The following BPIFC variants were observed in gnomAD, a reference collection of about 807,000 sequenced individuals.
BPIFC encodes BPI fold containing family C.
A neutral mutation model predicts 57.6 loss-of-function variants in BPIFC; 60 were observed. The ratio of observed to expected loss-of-function variants is 1.04; its 90% CI spans 0.85 to 1.29. BPIFC has a LOEUF of 1.29. Among genes scored for constraint, BPIFC ranks in the 50% most tolerant of loss-of-function variants. The probability of loss-of-function intolerance (pLI) is 0.00; values close to 1 mark genes in which losing one functional copy is unlikely to be tolerated. For synonymous variants in BPIFC, 243 were observed against 224.5 expected, an observed-to-expected ratio of 1.08 and a Z score of -0.74; for missense variants, 581 against 600.5, an observed-to-expected ratio of 0.97 and a Z score of 0.34.
chr22:32,415,886 C>A, intron 16 of BPIFC, 29 bp downstream of exon 16: 1 of 1,459,462 alleles, frequency 6.9e-7, no homozygotes, highest in South Asian at 1.3e-5. Flanking sequence ...AGAAATGGGT[C>A]AGTTAAGAGG....
At chr22:32,433,554 C>A (rs770214227) in intron 11 of BPIFC, among the ~76,000 whole-genome samples, 165 bp downstream of exon 11, 3 of 152,134 alleles carry the variant, frequency 2.0e-5, no homozygotes, top group Non-Finnish European at 4.4e-5. Context: ...GCACTTTAAA[C>A]TGTACTGTTC....
intron 13 of BPIFC, among the ~76,000 whole-genome samples, chr22:32,420,016 C>T (rs1039061596): frequency 2.0e-5 from 3 of 151,654 alleles, no homozygotes; most frequent in African/African-American, 7.3e-5. Context: ...GAATGTAGAA[C>T]AATCTTAAGA....
intron 13 of BPIFC, 59 bp downstream of exon 13, chr22:32,431,288 C>G (rs1362494386): frequency 7.1e-7 from 1 of 1,410,148 alleles, no homozygotes; most frequent in Admixed American, 1.7e-5. Flanking sequence ...CACTTTGTCT[C>G]TGATCAGTTG....
chr22:32,426,203 T>C (rs977059652), intron 13 of BPIFC, among the ~76,000 whole-genome samples: 8 of 152,202 alleles, frequency 5.3e-5, no homozygotes, highest in Non-Finnish European at 1.2e-4. Flanking sequence ...GGAGCCCCCG[T>C]GTTCCCTGGT....
intron 7 of BPIFC, among the ~76,000 whole-genome samples, chr22:32,443,195 G>A (rs368009694): frequency 1.4e-5 from 2 of 143,010 alleles, no homozygotes; most frequent in South Asian, 2.2e-4. Context: ...ACGAAGTCTC[G>A]CTCTGTCACC....
intron 4 of BPIFC, among the ~76,000 whole-genome samples, chr22:32,450,452 C>G (rs1409985555): frequency 6.6e-6 from 1 of 151,914 alleles, no homozygotes; most frequent in Non-Finnish European, 1.5e-5. Flanking sequence ...CAATGCATGA[C>G]AGTAATTTAA....
At chr22:32,439,342 T>C (rs1470767201) in intron 8 of BPIFC, among the ~76,000 whole-genome samples, 4 of 151,268 alleles carry the variant, frequency 2.6e-5, no homozygotes, top group Non-Finnish European at 5.9e-5. Flanking sequence ...AAAAAATAAA[T>C]GAAAGCACAG....
chr22:32,453,737 G>A (rs576519929), intron 3 of BPIFC, among the ~76,000 whole-genome samples: 20 of 152,244 alleles, frequency 1.3e-4, no homozygotes, highest in Admixed American at 5.9e-4. Flanking sequence ...TTTTCATTAC[G>A]TCAGGAGGAC....
At position 32,431,546 on chromosome 22, in the gene BPIFC, A is replaced by G. The variant is rs1934243658; in HGVS notation, c.1150-132T>C. The G allele has an allele frequency of 4.8e-6, 3 of 630,546 alleles. 1 individual carries two copies. Among genetic ancestry groups the G allele is most frequent in the Non-Finnish European group, 8.2e-6 (3 of 366,206 alleles). 39.1% of individuals were successfully genotyped at this position (630,546 alleles called of 1,614,324 possible). A position where few individuals can be genotyped will look rare whatever the true frequency, so the allele number is the denominator to read the frequency against. On this transcript the variant is annotated intron_variant, in intron 12 of 16. Transcript: ENST00000300399. ...TGTAAAGACATTGGAAGTCTAAAAGACATTGGAAATACAGACCTCTGAAAA... is the reference window on the plus strand; with the variant it reads ...TGTAAAGACATTGGAAGTCTAAAAGGCATTGGAAATACAGACCTCTGAAAA...
intron 10 of BPIFC, 80 bp downstream of exon 10, chr22:32,435,624 G>T: frequency 7.0e-7 from 1 of 1,433,638 alleles, no homozygotes; most frequent in Non-Finnish European, 9.4e-7. Flanking sequence ...CGAAATTGTG[G>T]CATAAAAGTT....
Position 32,445,906 on chromosome 22 carries a change from G to C in BPIFC, c.465C>G (p.Thr155=). The part of the protein sequence containing the change: ...ILTRNDFGHP[T]LKLQDCYAQL... ...GGGCGTAGCAATCTTGGAGCTTCAG[G>C]GTAGGATGACCAAAGTCATTTCGGG... Residue 155 remains threonine, a synonymous_variant, in exon 6 of 17, where the codon ACC becomes ACG. Coordinates refer to ENST00000300399, the MANE Select transcript of BPIFC (RefSeq NM_174932.3). 6.2e-7 allele frequency: 1 copy of C among 1,614,030 alleles called. No homozygotes were observed. The highest frequency in any genetic ancestry group is 1.3e-5 in the African/African-American group (1 of 74,980).
intron 5 of BPIFC, chr22:32,446,862 G>T (rs772013388): frequency 2.1e-6 from 2 of 935,194 alleles, no homozygotes; most frequent in Non-Finnish European, 2.6e-6. Flanking sequence ...TACTCCTGCA[G>T]ATGGGGAAGT....
At chr22:32,432,835 G>A (rs1044050380) in intron 11 of BPIFC, among the ~76,000 whole-genome samples, 1 of 152,180 alleles carries the variant, frequency 6.6e-6, no homozygotes, top group Non-Finnish European at 1.5e-5. Context: ...TTTCATAGTG[G>A]AGAACGTGAG....
chr22:32,435,958 T>G, intron 9 of BPIFC, 78 bp from the exon 10 acceptor site: 2 of 1,471,468 alleles, frequency 1.4e-6, no homozygotes, highest in South Asian at 2.7e-5. Context: ...ATGGACCCTC[T>G]GAAGTCAGAA....
At chr22:32,432,567 T>C (rs375731943) in intron 11 of BPIFC, 24 bp from the exon 12 acceptor site, 1 of 1,610,316 alleles carries the variant, frequency 6.2e-7, no homozygotes, top group Non-Finnish European at 8.5e-7. Context: ...GAGAAAGAAA[T>C]AAAGATTGTG....
intron 9 of BPIFC, among the ~76,000 whole-genome samples, chr22:32,436,379 A>G (rs13054452): frequency 0.34 from 17,435 of 51,966 alleles, 1,399 homozygotes; most frequent in South Asian, 0.46. Context: ...AGGAGGAGGA[A>G]GAGGAGGAGG....
chr22:32,453,611 C>G, intron 3 of BPIFC, 108 bp from the exon 4 acceptor site: 7 of 1,333,426 alleles, frequency 5.2e-6, no homozygotes, highest in Admixed American at 2.9e-5. Context: ...CCCTTAGATA[C>G]TTAGAAAATG....
chr22:32,449,236 C>T (rs900721308), intron 4 of BPIFC, among the ~76,000 whole-genome samples: 1 of 152,136 alleles, frequency 6.6e-6, no homozygotes, highest in African/African-American at 2.4e-5. Context: ...AAGTTTAGTA[C>T]CAGCTGTAAA....
At chr22:32,452,480 CA>C (rs59723576) in intron 4 of BPIFC, among the ~76,000 whole-genome samples, 7 of 150,024 alleles carry the variant, frequency 4.7e-5, no homozygotes, top group African/African-American at 7.4e-5. Flanking sequence ...ACTAAAAATA[CA>C]AAAAAAAATT....
Sources: allele counts gnomAD v4.1 joint callset (sites outside exome capture counted in the v4.1 genomes callset), GRCh38; gene constraint gnomAD v4.1.1; transcripts MANE v1.5; gene names NCBI Gene and HGNC (gene_info 2026-07-23, HGNC 2026-07-21).